Variants in GNG7 observed in about 807,000 individuals in gnomAD.
GNG7 encodes guanine nucleotide-binding protein G(I)/G(S)/G(O) subunit gamma-7.
Under a neutral mutation model 4.0 loss-of-function variants are expected in GNG7, and 1 was observed. The ratio of observed to expected loss-of-function variants is 0.25; its 90% CI spans 0.09 to 1.18. The LOEUF (loss-of-function observed/expected upper bound fraction) is 1.18, where lower values mean the gene tolerates loss of function less well. GNG7 is among the 50% of genes most tolerant of loss of function. The probability of loss-of-function intolerance (pLI) is 0.50; values close to 1 mark genes in which losing one functional copy is unlikely to be tolerated. For synonymous variants in GNG7, 34 were observed against 36.9 expected (o/e 0.92, Z 0.29); for missense variants, 86 against 91.9 (o/e 0.94, Z 0.26).
chr19:2,616,512 C>A (rs774191810), intron 2 of GNG7, among the ~76,000 whole-genome samples: 1 of 152,182 alleles, frequency 6.6e-6, no homozygotes, highest in African/African-American at 2.4e-5. Context: ...TGTGGTGGCT[C>A]ATGCCTATAA....
chr19:2,677,252 C>CTTT lies in GNG7; in HGVS notation c.-135+25393_-135+25394insAAA, dbSNP rs1599457216. 3.5e-5 allele frequency among the ~76,000 whole-genome samples: 3 copies of CTTT among 85,848 alleles called. 1 individual carries two copies. In the South Asian group the frequency reaches 1.2e-3, roughly 34 times the overall value. 56.3% of individuals were successfully genotyped at this position (85,848 alleles called of 152,430 possible). A position where few individuals can be genotyped will look rare whatever the true frequency, so the allele number is the denominator to read the frequency against. ...GATGCCACAGGGGAGCAGAGAATTC[C>CTTT]ATTTTTTTTTTTTTGCTTCAATTCC... On this transcript the variant is annotated intron_variant, in intron 1 of 4. Coordinates refer to ENST00000382159, the MANE Select transcript of GNG7 (RefSeq NM_052847.3).
At chr19:2,549,790 C>T (rs747014205) in intron 3 of GNG7, among the ~76,000 whole-genome samples, 5 of 151,998 alleles carry the variant, frequency 3.3e-5, no homozygotes, top group South Asian at 2.1e-4. Context: ...GGGGTGAGGG[C>T]GGGGGTGACA....
chr19:2,577,095 C>G (rs926435767), intron 2 of GNG7, among the ~76,000 whole-genome samples: 3 of 152,258 alleles, frequency 2.0e-5, no homozygotes, highest in African/African-American at 7.2e-5. Context: ...AGGTCCACCT[C>G]GCAAGCTGGG....
intron 2 of GNG7, among the ~76,000 whole-genome samples, chr19:2,582,618 G>T (rs1271537545): frequency 6.7e-6 from 1 of 149,818 alleles, no homozygotes; most frequent in African/African-American, 2.5e-5. Context: ...AAGTAGCTGG[G>T]ACTACAGGTG....
chr19:2,697,887 G>A lies in GNG7; in HGVS notation c.-135+4759C>T, dbSNP rs574592515. Reference sequence around the variant, plus strand: ...CTCGGGAGGCTGGGGCAGGAGAATCGCTTGAACCCGGGAGGCGGAGGTTGC... The same window carrying A: ...CTCGGGAGGCTGGGGCAGGAGAATCACTTGAACCCGGGAGGCGGAGGTTGC... On this transcript the variant is annotated intron_variant, in intron 1 of 4. Transcript: ENST00000382159. 2.5e-3 allele frequency among the ~76,000 whole-genome samples: 373 copies of A among 152,086 alleles called. 1 individual carries two copies. Among genetic ancestry groups the A allele is most frequent in the African/African-American group, 8.2e-3 (339 of 41,506 alleles).
At chr19:2,570,487 A>T (rs190390086) in intron 2 of GNG7, among the ~76,000 whole-genome samples, 2 of 152,208 alleles carry the variant, frequency 1.3e-5, no homozygotes, top group East Asian at 3.9e-4. Context: ...GCCCGTGTTC[A>T]CTGGGGAAGT....
chr19:2,696,690 G>T (rs563006664), intron 1 of GNG7, among the ~76,000 whole-genome samples: 9 of 152,200 alleles, frequency 5.9e-5, no homozygotes, highest in Non-Finnish European at 1.3e-4. Flanking sequence ...CATGTCACAC[G>T]CAGTGAGAGA....
intron 3 of GNG7, among the ~76,000 whole-genome samples, chr19:2,522,751 CAAAAAAAAAAAAAAA>C (rs59490251): frequency 2.3e-5 from 1 of 43,866 alleles, no homozygotes; most frequent in Non-Finnish European, 3.8e-5. Flanking sequence ...GACTCTGTCT[CAAAAAAAAAAAAAAA>C]AAAAAAAAAA....
At chr19:2,666,960 A>G (rs937314989) in intron 1 of GNG7, among the ~76,000 whole-genome samples, 2 of 152,188 alleles carry the variant, frequency 1.3e-5, no homozygotes, top group African/African-American at 4.8e-5. Flanking sequence ...GGGTCCTGTC[A>G]AAAAAGATTC....
At chr19:2,656,761 A>G (rs1487676519) in intron 1 of GNG7, among the ~76,000 whole-genome samples, 1 of 152,172 alleles carries the variant, frequency 6.6e-6, no homozygotes, top group Non-Finnish European at 1.5e-5. Flanking sequence ...CCTACAGCAC[A>G]GCTGGGAGGC....
At chr19:2,570,097 G>A (rs550535589) in intron 2 of GNG7, among the ~76,000 whole-genome samples, 13 of 152,126 alleles carry the variant, frequency 8.5e-5, no homozygotes, top group East Asian at 1.9e-4. Context: ...GGGAATGAGC[G>A]AGTTCCCACT....
intron 3 of GNG7, among the ~76,000 whole-genome samples, chr19:2,527,139 C>T (rs937630292): frequency 2.6e-5 from 4 of 152,290 alleles, no homozygotes; most frequent in East Asian, 1.9e-4. Context: ...CCACTGCTCC[C>T]GGCCCTATCT....
rs140922429 is a variant in GNG7, at chr19:2,696,394, G to A, written c.-135+6252C>T. On this transcript the variant is annotated intron_variant, in intron 1 of 4. Coordinates refer to ENST00000382159, the MANE Select transcript of GNG7 (RefSeq NM_052847.3). ...AAAGGAAAGGAAGGGAAGAAAGAAA[G>A]GAAAGACGAAGGAAGAAGGAAGGAA... Among the ~76,000 whole-genome samples the A allele has an allele frequency of 4.2e-3, 632 of 149,644 alleles. 8 individuals are homozygous for A. Among genetic ancestry groups the A allele is most frequent in the African/African-American group, 0.014 (585 of 40,716 alleles).
intron 2 of GNG7, among the ~76,000 whole-genome samples, chr19:2,580,664 A>G (rs1980476608): frequency 6.6e-6 from 1 of 151,454 alleles, no homozygotes; most frequent in Admixed American, 6.6e-5. Context: ...GCAGTGGTGC[A>G]ATCACAGCTC....
In GNG7 at chr19:2,633,485, GCGCA is replaced by G. The variant is rs1310429087; in HGVS notation, c.-78+12735_-78+12738del. Among the ~76,000 whole-genome samples, 13,290 of 131,454 alleles carry G rather than the reference GCGCA, an allele frequency of 0.1. 747 individuals are homozygous for G. Among genetic ancestry groups the G allele is most frequent in the Non-Finnish European group, 0.14 (8,844 of 61,784 alleles). 86.2% of individuals were successfully genotyped at this position (131,454 alleles called of 152,430 possible). On this transcript the variant is annotated intron_variant, in intron 2 of 4. Coordinates refer to ENST00000382159, the MANE Select transcript of GNG7 (RefSeq NM_052847.3). The surrounding 1 kb of genome is among the most constrained non-coding windows in gnomAD (Gnocchi z 5.9). The stretch of plus-strand genomic sequence containing the variant: ...CTTAGCAACAGGCGCGCGCGCGCGC[GCGCA>G]CACACACACACACACACACACACAC...
chr19:2,534,972 A>C (rs545252517), intron 3 of GNG7, among the ~76,000 whole-genome samples: 1 of 152,220 alleles, frequency 6.6e-6, no homozygotes. Flanking sequence ...GGTTCATTTC[A>C]TCCAGAAACA....
At chr19:2,521,218 A>T (rs1457691198) in intron 3 of GNG7, among the ~76,000 whole-genome samples, 2 of 151,774 alleles carry the variant, frequency 1.3e-5, no homozygotes, top group South Asian at 2.1e-4. Context: ...GTGAGCCGAG[A>T]TGGTGCCCCT....
chr19:2,581,083 C>T (rs749479131), intron 2 of GNG7, among the ~76,000 whole-genome samples: 7 of 152,174 alleles, frequency 4.6e-5, no homozygotes, highest in South Asian at 4.2e-4. Flanking sequence ...GTTGTTGAGG[C>T]AGAGACTGGT....
At chr19:2,597,967 G>A (rs1044488561) in intron 2 of GNG7, among the ~76,000 whole-genome samples, 4 of 152,038 alleles carry the variant, frequency 2.6e-5, no homozygotes, top group Middle Eastern at 3.4e-3. Context: ...TGTACAATGC[G>A]CTCCATATTG....
Sources: gnomAD v4.1 joint callset for allele counts (sites outside exome capture counted in the v4.1 genomes callset) on GRCh38, gnomAD v4.1.1 for gene constraint, Gnocchi (gnomAD v3.1) non-coding constraint, MANE v1.5 for transcripts, NCBI Gene and HGNC (gene_info 2026-07-23, HGNC 2026-07-21) for gene names.